NBAS: variants seen among roughly 807,000 people sequenced by gnomAD.
NBAS encodes NAG/BC035112 fusion.
In NBAS, 219 loss-of-function variants were observed where a neutral mutation model predicts 302.5. The observed-to-expected ratio is 0.72, with a 90% CI of 0.65 to 0.81. NBAS has a LOEUF of 0.81. Ranked by LOEUF, NBAS falls within the 30% of genes least tolerant of loss-of-function variation. The pLI is 0.00. For missense variants in NBAS, 2,932 were observed against 2,841.6 expected, an observed-to-expected ratio of 1.03 and a Z score of -0.72; for synonymous variants, 1,118 against 1,021.6, an observed-to-expected ratio of 1.09 and a Z score of -1.80.
chr2:14,898,074 G>A, the NBAS span, among the ~76,000 whole-genome samples: 5 of 152,280 alleles, frequency 3.3e-5, no homozygotes, highest in Admixed American at 1.3e-4. Context: ...TAGGCTTAAA[G>A]GCCTTTCCAT....
chr2:15,029,272 G>A, the NBAS span, among the ~76,000 whole-genome samples: 1 of 152,196 alleles, frequency 6.6e-6, no homozygotes, highest in Non-Finnish European at 1.5e-5. Flanking sequence ...CCACTAGGAG[G>A]ATGCAGCTAC....
intron 38 of NBAS, among the ~76,000 whole-genome samples, chr2:15,321,718 C>T (rs62119501): frequency 1.3e-5 from 2 of 152,064 alleles, no homozygotes; most frequent in Non-Finnish European, 2.9e-5. Context: ...GTTAGAATGG[C>T]GATCGTTAAA....
chr2:15,470,475 C>G (rs761802514), intron 16 of NBAS, among the ~76,000 whole-genome samples: 21 of 152,306 alleles, frequency 1.4e-4, no homozygotes, highest in Admixed American at 3.9e-4. Flanking sequence ...TTACTGGGCA[C>G]CTACTGCACA....
At chr2:15,044,563 G>A in the NBAS span, among the ~76,000 whole-genome samples, 1 of 152,226 alleles carries the variant, frequency 6.6e-6, no homozygotes, top group Non-Finnish European at 1.5e-5. Context: ...TTCCTAGAGT[G>A]GCCATGGAAC....
chr2:15,462,385 A>T (rs948052729), intron 19 of NBAS, among the ~76,000 whole-genome samples: 9 of 152,176 alleles, frequency 5.9e-5, no homozygotes, highest in Non-Finnish European at 1.3e-4. Context: ...GAAGTGGCCC[A>T]CAAGCTGAAA....
the NBAS span, among the ~76,000 whole-genome samples, chr2:15,117,856 C>A: frequency 6.6e-6 from 1 of 152,188 alleles, no homozygotes; most frequent in East Asian, 1.9e-4. Context: ...TTTCCCAAGG[C>A]CCCTCCTCCT....
the NBAS span, among the ~76,000 whole-genome samples, chr2:14,957,393 A>T: frequency 6.6e-6 from 1 of 152,120 alleles, no homozygotes; most frequent in African/African-American, 2.4e-5. Context: ...AAAAGTTCTC[A>T]GGAAAGAACC....
intron 21 of NBAS, among the ~76,000 whole-genome samples, chr2:15,448,564 C>A (rs977779019): frequency 1.3e-5 from 2 of 152,210 alleles, no homozygotes; most frequent in Non-Finnish European, 2.9e-5. Context: ...TACCTCTCCA[C>A]ATTAAGTATG....
the NBAS span, among the ~76,000 whole-genome samples, chr2:15,106,270 C>T: frequency 2.0e-5 from 3 of 152,064 alleles, no homozygotes; most frequent in Admixed American, 6.6e-5. Context: ...GAGGAAGATT[C>T]ACATTGAGGG....
intron 48 of NBAS, among the ~76,000 whole-genome samples, chr2:15,198,471 GAGA>G (rs1357678277): frequency 6.6e-6 from 1 of 152,170 alleles, no homozygotes; most frequent in Non-Finnish European, 1.5e-5. Context: ...AGGGAAAAAA[GAGA>G]AGACTGGGTA....
intron 38 of NBAS, among the ~76,000 whole-genome samples, chr2:15,324,227 T>A (rs113973605): frequency 6.6e-6 from 1 of 152,310 alleles, no homozygotes; most frequent in Non-Finnish European, 1.5e-5. Context: ...TTCTTCTACT[T>A]GAAATCCCTA....
chr2:15,160,102 G>GAACGGCTT, the NBAS span, among the ~76,000 whole-genome samples: 1 of 152,182 alleles, frequency 6.6e-6, no homozygotes. Flanking sequence ...GTGGATCATG[G>GAACGGCTT]AGAGCCGTTC....
chr2:15,465,439 A>T (rs11899730), intron 19 of NBAS, among the ~76,000 whole-genome samples: 1 of 152,076 alleles, frequency 6.6e-6, no homozygotes, highest in African/African-American at 2.4e-5. Flanking sequence ...TACAATGTGA[A>T]CTCCATGAAG....
At chr2:15,237,604 T>C (rs189901184) in intron 45 of NBAS, among the ~76,000 whole-genome samples, 135 of 133,048 alleles carry the variant, frequency 1.0e-3, no homozygotes, top group African/African-American at 3.4e-3. Flanking sequence ...ATTTATTTAT[T>C]TATTTATCTG....
chr2:15,017,857 T>C, the NBAS span, among the ~76,000 whole-genome samples: 1 of 152,078 alleles, frequency 6.6e-6, no homozygotes, highest in Admixed American at 6.6e-5. Flanking sequence ...CCCACTTTTA[T>C]GGCAGCACTA....
chr2:15,146,439 G>T, the NBAS span, among the ~76,000 whole-genome samples: 1 of 152,118 alleles, frequency 6.6e-6, no homozygotes, highest in Non-Finnish European at 1.5e-5. Context: ...ACTGCAGACG[G>T]CTGATAAAGG....
At chr2:15,034,680 T>G in the NBAS span, among the ~76,000 whole-genome samples, 1 of 152,180 alleles carries the variant, frequency 6.6e-6, no homozygotes, top group Non-Finnish European at 1.5e-5. Flanking sequence ...GGTGGACTAC[T>G]CCCTAGTATT....
At chr2:15,348,128 T>A (rs1160219779) in intron 35 of NBAS, among the ~76,000 whole-genome samples, 1 of 152,216 alleles carries the variant, frequency 6.6e-6, no homozygotes, top group Non-Finnish European at 1.5e-5. Flanking sequence ...AGCACTATAT[T>A]TTAACCTAAT....
chr2:15,491,943 T>A (rs1336501567), intron 11 of NBAS, among the ~76,000 whole-genome samples: 3 of 152,148 alleles, frequency 2.0e-5, no homozygotes, highest in Non-Finnish European at 4.4e-5. Context: ...TACACTCACT[T>A]CTTTCTTTCC....
Sources: gnomAD v4.1 joint callset for allele counts (sites outside exome capture counted in the v4.1 genomes callset) on GRCh38, gnomAD v4.1.1 for gene constraint, MANE v1.5 for transcripts, NCBI Gene and HGNC (gene_info 2026-07-23, HGNC 2026-07-21) for gene names.